CNTN6: variants seen among roughly 807,000 people sequenced by gnomAD.
The protein encoded by CNTN6 is contactin 6, also known as contactin-6.
Under a neutral mutation model 122.8 loss-of-function variants are expected in CNTN6, and 137 were observed. That is an observed-to-expected ratio of 1.12 (90% CI 0.97 to 1.29). CNTN6 has a LOEUF of 1.29. Ranked by LOEUF, CNTN6 falls within the 50% of genes most tolerant of loss-of-function variation. The probability of loss-of-function intolerance (pLI) is 0.00; values close to 1 mark genes in which losing one functional copy is unlikely to be tolerated. For missense variants in CNTN6, 1,634 were observed against 1,223.4 expected, an observed-to-expected ratio of 1.34 and a Z score of -5.01; for synonymous variants, 570 against 426.0, an observed-to-expected ratio of 1.34 and a Z score of -4.16.
At position 1,245,234 on chromosome 3, in the gene CNTN6, AT is replaced by A. The variant is rs1559595915; in HGVS notation, c.358+17242del. 3.2e-3 allele frequency among the ~76,000 whole-genome samples: 38 copies of A among 11,874 alleles called. 1 individual carries two copies. Among genetic ancestry groups the A allele is most frequent in the South Asian group, 0.012 (4 of 338 alleles). The allele number at this position is 11,874 out of a possible 152,430, so 7.8% of individuals were successfully genotyped here. A position where few individuals can be genotyped will look rare whatever the true frequency, so the allele number is the denominator to read the frequency against. ...TATATATATATATATATATATATAT[AT>A]ACACACACACATATATATATAACAT... On this transcript the variant is annotated intron_variant, in intron 4 of 22. Coordinates refer to ENST00000446702, the MANE Select transcript of CNTN6 (RefSeq NM_001289080.2).
At chr3:1,230,835 T>G (rs2094344142) in intron 4 of CNTN6, among the ~76,000 whole-genome samples, 1 of 152,200 alleles carries the variant, frequency 6.6e-6, no homozygotes, top group Non-Finnish European at 1.5e-5. Context: ...GGGCCTTCTT[T>G]CTTTGTTTCA....
rs542855028 is a variant in CNTN6, at chr3:1,132,673, A to C, written c.-82-15254A>C. Reference sequence around the variant, plus strand: ...CTCTGTCTAAAAAATAAATAAATAAATAAATAAATAAATAAATAACGTGAA... The same window carrying C: ...CTCTGTCTAAAAAATAAATAAATAACTAAATAAATAAATAAATAACGTGAA... On this transcript the variant is annotated intron_variant, in intron 1 of 22. Coordinates refer to ENST00000446702, the MANE Select transcript of CNTN6 (RefSeq NM_001289080.2). 3.6e-3 allele frequency among the ~76,000 whole-genome samples: 545 copies of C among 151,554 alleles called. 1 individual carries two copies. Among genetic ancestry groups the C allele is most frequent in the South Asian group, 6.4e-3 (31 of 4,810 alleles).
intron 12 of CNTN6, among the ~76,000 whole-genome samples, chr3:1,371,664 G>C (rs1709034759): frequency 6.6e-6 from 1 of 152,074 alleles, no homozygotes; most frequent in South Asian, 2.1e-4. Context: ...AAGAAAGATT[G>C]ACATAGAGAA....
At chr3:1,152,126 A>ATTTGTTTC (rs1294412360) in intron 2 of CNTN6, among the ~76,000 whole-genome samples, 1 of 141,518 alleles carries the variant, frequency 7.1e-6, no homozygotes, top group Non-Finnish European at 1.5e-5. Flanking sequence ...TTATTTATAT[A>ATTTGTTTC]TTTGTTTGTT....
intron 1 of CNTN6, among the ~76,000 whole-genome samples, chr3:1,114,627 A>T (rs1046901837): frequency 6.6e-6 from 1 of 152,106 alleles, no homozygotes; most frequent in African/African-American, 2.4e-5. Flanking sequence ...AAATGTGGAC[A>T]TAGTAAAATG....
chr3:1,390,754 AC>A (rs1461091064), intron 20 of CNTN6, among the ~76,000 whole-genome samples: 1 of 151,808 alleles, frequency 6.6e-6, no homozygotes, highest in Non-Finnish European at 1.5e-5. Flanking sequence ...AATACAAACT[AC>A]CATCAGAGAA....
intron 7 of CNTN6, among the ~76,000 whole-genome samples, chr3:1,300,638 T>C (rs971906544): frequency 6.6e-6 from 1 of 151,454 alleles, no homozygotes; most frequent in Non-Finnish European, 1.5e-5. Flanking sequence ...AGAGATAACA[T>C]GATCAATATA....
chr3:1,384,812 C>CACACACACACACAT (rs1338541100), intron 19 of CNTN6, among the ~76,000 whole-genome samples: 1 of 118,500 alleles, frequency 8.4e-6, no homozygotes, highest in African/African-American at 3.2e-5. Context: ...CACACACACA[C>CACACACACACACAT]ATATATATAT....
intron 4 of CNTN6, among the ~76,000 whole-genome samples, chr3:1,266,857 C>T (rs1284313825): frequency 6.6e-6 from 1 of 152,080 alleles, no homozygotes; most frequent in Non-Finnish European, 1.5e-5. Context: ...CCTTCAGCCC[C>T]CTTTGCTGAT....
chr3:1,185,378 A>C (rs2093614311), intron 2 of CNTN6, among the ~76,000 whole-genome samples: 1 of 152,224 alleles, frequency 6.6e-6, no homozygotes, highest in African/African-American at 2.4e-5. Flanking sequence ...AAATAGTGCA[A>C]AATATTCACT....
chr3:1,253,908 A>C (rs2094711106), intron 4 of CNTN6, among the ~76,000 whole-genome samples: 1 of 152,186 alleles, frequency 6.6e-6, no homozygotes, highest in Admixed American at 6.5e-5. Flanking sequence ...CAAAACAACC[A>C]TAAGTCTATT....
At chr3:1,131,191 C>G (rs1219616861) in intron 1 of CNTN6, among the ~76,000 whole-genome samples, 1 of 152,048 alleles carries the variant, frequency 6.6e-6, no homozygotes, top group Non-Finnish European at 1.5e-5. Flanking sequence ...GCAGGGCACA[C>G]CAAGCACGAT....
intron 4 of CNTN6, among the ~76,000 whole-genome samples, chr3:1,269,439 A>G (rs1035911837): frequency 2.0e-5 from 3 of 152,168 alleles, no homozygotes; most frequent in South Asian, 2.1e-4. Context: ...TGGCATCTCA[A>G]TGTATCCTAT....
At chr3:1,319,873 T>TAAAAG (rs1447008145) in intron 7 of CNTN6, among the ~76,000 whole-genome samples, 1 of 149,718 alleles carries the variant, frequency 6.7e-6, no homozygotes, top group East Asian at 2.0e-4. Context: ...TAAAATAAAA[T>TAAAAG]AAAAGACATT....
At chr3:1,126,190 C>T (rs1271045009) in intron 1 of CNTN6, among the ~76,000 whole-genome samples, 2 of 151,848 alleles carry the variant, frequency 1.3e-5, no homozygotes, top group African/African-American at 4.8e-5. Flanking sequence ...TGAAGGCTTT[C>T]TAAGCCTCCA....
At chr3:1,298,954 T>C (rs779250077) in intron 7 of CNTN6, among the ~76,000 whole-genome samples, 110 of 152,158 alleles carry the variant, frequency 7.2e-4, no homozygotes, top group Non-Finnish European at 1.1e-3. Flanking sequence ...CTCCAAATTC[T>C]AGAAAACATC....
chr3:1,295,505 A>C, intron 5 of CNTN6, 96 bp from the exon 6 acceptor site: 1 of 1,003,232 alleles, frequency 1.0e-6, no homozygotes, highest in Non-Finnish European at 1.5e-6. Flanking sequence ...TTTTCTCCTA[A>C]TTATGGGGAA....
In CNTN6 at chr3:1,228,072, C is replaced by T. The variant is rs1488469873; in HGVS notation, c.358+79C>T. On this transcript the variant is annotated intron_variant, in intron 4 of 22. Transcript: ENST00000446702. ...TGATACACACATTTTAAAAATCTAG[C>T]TTTGCCAATGATATATTTGAGAATG... 2.9e-6 allele frequency: 4 copies of T among 1,364,084 alleles called. No homozygotes were observed. The South Asian group carries it at 3.9e-5, about 13-fold the overall frequency. The allele number at this position is 1,364,084 out of a possible 1,614,324, so 84.5% of individuals were successfully genotyped here.
Position 1,401,497 on chromosome 3 carries a change from G to T in CNTN6, c.2769G>T (p.Trp923Cys). Residue 923 changes from tryptophan to cysteine, a missense_variant, in exon 21 of 23, where the codon TGG becomes TGT. By Grantham distance (215) the Trp-to-Cys change is radical. Transcript: ENST00000446702. ...KLTNSKLCLN[W>C]EHVKTMENES... The stretch of plus-strand genomic sequence containing the variant: ...CAAACTCTAAATTATGCTTGAACTG[G>T]GAGCATGTAAAAACCATGGAAAATG... 2 of 1,612,006 alleles carry T rather than the reference G, an allele frequency of 1.2e-6. No homozygotes were observed. Among genetic ancestry groups the T allele is most frequent in the Non-Finnish European group, 1.7e-6 (2 of 1,178,614 alleles).
Sources: allele counts gnomAD v4.1 joint callset (sites outside exome capture counted in the v4.1 genomes callset), GRCh38; gene constraint gnomAD v4.1.1; transcripts MANE v1.5; gene names NCBI Gene and HGNC (gene_info 2026-07-23, HGNC 2026-07-21).